HSPA14: variants seen among roughly 807,000 people sequenced by gnomAD.
The protein encoded by HSPA14 is heat shock protein family A (Hsp70) member 14.
Under a neutral mutation model 65.5 loss-of-function variants are expected in HSPA14, and 37 were observed. The ratio of observed to expected loss-of-function variants is 0.56; its 90% CI spans 0.43 to 0.74. The LOEUF (loss-of-function observed/expected upper bound fraction) is 0.74, where lower values mean the gene tolerates loss of function less well. HSPA14 is among the 30% of genes least tolerant of loss of function. The pLI is 0.00. For synonymous variants in HSPA14, 203 were observed against 214.2 expected, an observed-to-expected ratio of 0.95 and a Z score of 0.46; for missense variants, 564 against 607.6, an observed-to-expected ratio of 0.93 and a Z score of 0.75.
intron 12 of HSPA14, 150 bp downstream of exon 12, chr10:14,868,059 G>A: frequency 3.2e-6 from 2 of 633,984 alleles, no homozygotes; most frequent in South Asian, 5.2e-5. Context: ...TTCTGAAAAT[G>A]AACACCTGTG....
In HSPA14 at chr10:14,870,669, TAA is replaced by T. The variant is rs774105380; in HGVS notation, c.1451+7_1451+8del. On this transcript the variant is annotated splice_donor_region_variant and intron_variant, in intron 13 of 13. Transcript: ENST00000378372. Reference sequence around the variant, plus strand: ...ATTAGCTGTTCTTACTATGAAAAGGTAAAAAATTAAACTTCTGTTGTTAAGAA... The same window carrying T: ...ATTAGCTGTTCTTACTATGAAAAGGTAAAATTAAACTTCTGTTGTTAAGAA... 1 of 1,557,746 alleles carries T rather than the reference TAA, an allele frequency of 6.4e-7. No individual in the cohort carries two copies. The highest frequency in any genetic ancestry group is 8.7e-7 in the Non-Finnish European group (1 of 1,146,258).
chr10:14,854,057 A>G, intron 8 of HSPA14, 68 bp from the exon 9 acceptor site: 5 of 1,385,852 alleles, frequency 3.6e-6, no homozygotes, highest in Non-Finnish European at 4.9e-6. Context: ...AGGATTATCC[A>G]GATCTTAGTT....
At chr10:14,852,321 T>A in intron 7 of HSPA14, 49 bp from the exon 8 acceptor site, 1 of 1,483,120 alleles carries the variant, frequency 6.7e-7, no homozygotes, top group Non-Finnish European at 9.3e-7. Flanking sequence ...ATATCCAACT[T>A]AGTTTTAAAA....
chr10:14,848,593 C>A lies in HSPA14; in HGVS notation c.222-16C>A, dbSNP rs772918903. ...GATTTTAATACTTAGCTATCTTTATCTTTCTTTATGGACAGCTCCAGTGAT... is the reference window on the plus strand; with the variant it reads ...GATTTTAATACTTAGCTATCTTTATATTTCTTTATGGACAGCTCCAGTGAT... On this transcript the variant is annotated splice_polypyrimidine_tract_variant and intron_variant, in intron 3 of 13. Transcript: ENST00000378372. The A allele has an allele frequency of 1.3e-6, 2 of 1,596,618 alleles. No homozygotes were observed. The highest frequency in any genetic ancestry group is 1.7e-6 in the Non-Finnish European group (2 of 1,166,508).
In HSPA14 at chr10:14,849,812, G is replaced by T; in HGVS notation, c.467+1G>T. 1 of 1,586,358 alleles carries T rather than the reference G, an allele frequency of 6.3e-7. No individual in the cohort carries two copies. Among genetic ancestry groups the T allele is most frequent in the Non-Finnish European group, 8.7e-7 (1 of 1,155,340 alleles). On this transcript the variant is annotated splice_donor_variant, in intron 6 of 13. Coordinates refer to ENST00000378372, the MANE Select transcript of HSPA14 (RefSeq NM_016299.4). LOFTEE classifies it high-confidence loss of function. ...GAGAAAAGCAAAAAAATGCTCTTGG[G>T]TAAGTATATGGGGTTTATCTTACTG...
At position 14,838,358 on chromosome 10, in the gene HSPA14, G is replaced by A. The variant is rs367774910; in HGVS notation, c.-45G>A. 6 of 1,564,766 alleles carry A rather than the reference G, an allele frequency of 3.8e-6. No individual in the cohort carries two copies. The highest frequency in any genetic ancestry group is 3.5e-6 in the Non-Finnish European group (4 of 1,156,716). On this transcript the variant is annotated 5_prime_UTR_variant, in exon 1 of 14. Transcript: ENST00000378372. ...CGTTGGGCGGCCGGTAGCTGTTGCT[G>A]TTGGGGGACCCCCTCATTCCTGCCG...
chr10:14,865,995 C>T (rs1832803631), intron 10 of HSPA14, among the ~76,000 whole-genome samples: 1 of 152,150 alleles, frequency 6.6e-6, no homozygotes, highest in Non-Finnish European at 1.5e-5. Flanking sequence ...TTTTGTTGAG[C>T]AGTGGTTTGT....
chr10:14,868,501 TCACA>T (rs112132864), intron 12 of HSPA14, among the ~76,000 whole-genome samples: 4 of 147,448 alleles, frequency 2.7e-5, no homozygotes, highest in Non-Finnish European at 3.0e-5. Context: ...GCAGTTGCAT[TCACA>T]CACACACACA....
intron 10 of HSPA14, among the ~76,000 whole-genome samples, chr10:14,865,458 C>G (rs1832797042): frequency 1.3e-5 from 2 of 152,052 alleles, no homozygotes; most frequent in African/African-American, 4.8e-5. Context: ...GGTTTTAGGT[C>G]TAACATTTAA....
At chr10:14,840,756 G>A (rs1833962798) in intron 3 of HSPA14, among the ~76,000 whole-genome samples, 2 of 152,280 alleles carry the variant, frequency 1.3e-5, no homozygotes, top group South Asian at 4.1e-4. Flanking sequence ...ATAATAATTA[G>A]GGGTTTTCAT....
rs772691672 is a variant in HSPA14, at chr10:14,838,422, A to G, written c.20A>G (p.His7Arg). Residue 7 changes from histidine (H) to arginine (R), a missense_variant, in exon 1 of 14, where the codon CAC becomes CGC. Coordinates refer to ENST00000378372, the MANE Select transcript of HSPA14 (RefSeq NM_016299.4). ...TGCCTCATGGCGGCCATCGGAGTTC[A>G]CCTGGGCTGCACCTCAGCCTGTGTG... MAAIGV[H>R]LGCTSACVAV... 2 of 1,605,858 alleles carry G rather than the reference A, an allele frequency of 1.2e-6. No homozygotes were observed. Among genetic ancestry groups the G allele is most frequent in the Non-Finnish European group, 1.7e-6 (2 of 1,178,422 alleles).
chr10:14,838,640 C>G, intron 1 of HSPA14, 181 bp downstream of exon 1: 1 of 586,998 alleles, frequency 1.7e-6, no homozygotes, highest in South Asian at 2.2e-5. Context: ...GGCGATTCCT[C>G]CGGAAAGTCG....
Position 14,850,906 on chromosome 10 carries a change from ACT to A in HSPA14, c.468-309_468-308del, listed in dbSNP as rs759531146. ...TCCTAGACTCTCAGAGCCCCAAAAG[ACT>A]CTCATCTTTTGAACTTTTTTTTTTA... is the stretch of plus-strand genomic sequence containing the variant. On this transcript the variant is annotated intron_variant, in intron 6 of 13. Transcript: ENST00000378372. 119 of 188,870 alleles carry A rather than the reference ACT, an allele frequency of 6.3e-4. 1 individual carries two copies. The highest frequency in any genetic ancestry group is 1.0e-3 in the Non-Finnish European group (95 of 92,780). 11.7% of individuals were successfully genotyped at this position (188,870 alleles called of 1,614,324 possible).
rs1834023495 is a variant in HSPA14 at position 14,844,640 on chromosome 10, A to G, written c.222-3969A>G. 3 of 984,678 alleles carry G rather than the reference A, an allele frequency of 3.0e-6. No individual in the cohort carries two copies. In the African/African-American group the frequency reaches 5.2e-5, roughly 17 times the overall value. 61.0% of individuals were successfully genotyped at this position (984,678 alleles called of 1,614,324 possible). A position where few individuals can be genotyped will look rare whatever the true frequency, so the allele number is the denominator to read the frequency against. On this transcript the variant is annotated intron_variant, in intron 3 of 13. Transcript: ENST00000378372. ...TCTCCTATCAATATAAGGAAATAAGAAGTGCCAGGGAGCCGCCATTGTGTG... is the reference window on the plus strand; with the variant it reads ...TCTCCTATCAATATAAGGAAATAAGGAGTGCCAGGGAGCCGCCATTGTGTG...
chr10:14,867,264 T>TA lies in HSPA14; in HGVS notation c.1176dup (p.Glu393ArgfsTer10), dbSNP rs1832815207. On this transcript the variant is annotated frameshift_variant, in exon 11 of 14. Transcript: ENST00000378372. LOFTEE classifies it high-confidence loss of function. ...CTGTTGGTGGAAGACTCTCTTATGA[T>TA]AGAGTGTTCAGCCAGAGATATTTTA... 2 of 1,613,372 alleles carry TA rather than the reference T, an allele frequency of 1.2e-6. No homozygotes were observed. The highest frequency in any genetic ancestry group is 1.7e-6 in the Non-Finnish European group (2 of 1,179,366).
At position 14,845,598 on chromosome 10, in the gene HSPA14, A is replaced by ATTT. The variant is rs559219676; in HGVS notation, c.222-3000_222-2998dup. 511 of 704,920 alleles carry ATTT rather than the reference A, an allele frequency of 7.2e-4. 2 individuals are homozygous for ATTT. In the African/African-American group the frequency reaches 9.8e-3, roughly 13 times the overall value. 43.7% of individuals were successfully genotyped at this position (704,920 alleles called of 1,614,324 possible). ...TCACTTGCCCTTTTCTATTATTATT[A>ATTT]TTTTTTTTTTTTTGAGAAAAAGTCT... On this transcript the variant is annotated intron_variant, in intron 3 of 13. Coordinates refer to ENST00000378372, the MANE Select transcript of HSPA14 (RefSeq NM_016299.4).
intron 3 of HSPA14, chr10:14,846,245 A>G (rs1834051418): frequency 3.0e-6 from 3 of 985,256 alleles, no homozygotes; most frequent in African/African-American, 1.7e-5. Flanking sequence ...GTAGGTAGGT[A>G]GATTTTCTGG....
Position 14,838,375 on chromosome 10 carries a change from T to C in HSPA14, c.-28T>C. ...CTGTTGCTGTTGGGGGACCCCCTCA[T>C]TCCTGCCGCTGCCGTCCCTGCTGCC... On this transcript the variant is annotated 5_prime_UTR_variant, in exon 1 of 14. Transcript: ENST00000378372. The C allele has an allele frequency of 6.3e-7, 1 of 1,587,318 alleles. No homozygotes were observed. Among genetic ancestry groups the C allele is most frequent in the Non-Finnish European group, 8.5e-7 (1 of 1,169,604 alleles).
At chr10:14,856,578 T>A (rs1588814835) in intron 10 of HSPA14, among the ~76,000 whole-genome samples, 2 of 152,340 alleles carry the variant, frequency 1.3e-5, no homozygotes, top group African/African-American at 4.8e-5. Flanking sequence ...ACATTTAAAA[T>A]GAGCCAGGTG....
Sources: allele counts gnomAD v4.1 joint callset (sites outside exome capture counted in the v4.1 genomes callset), GRCh38; gene constraint gnomAD v4.1.1; transcripts MANE v1.5; gene names NCBI Gene and HGNC (gene_info 2026-07-23, HGNC 2026-07-21).